UEVLD: variants seen among roughly 807,000 people sequenced by gnomAD.
UEVLD encodes ubiquitin-conjugating enzyme E2 variant 3.
Under a neutral mutation model 58.6 loss-of-function variants are expected in UEVLD, and 47 were observed. The ratio of observed to expected loss-of-function variants is 0.80; its 90% CI spans 0.63 to 1.02. UEVLD has a LOEUF of 1.02. Among genes scored for constraint, UEVLD ranks in the 50% least tolerant of loss-of-function variants. UEVLD has a pLI of 0.00. For synonymous variants in UEVLD, 197 were observed against 195.3 expected, an observed-to-expected ratio of 1.01 and a Z score of -0.07; for missense variants, 510 against 550.6, an observed-to-expected ratio of 0.93 and a Z score of 0.74.
intron 2 of UEVLD, among the ~76,000 whole-genome samples, chr11:18,576,275 G>A (rs748553598): frequency 4.6e-5 from 7 of 152,082 alleles, no homozygotes; most frequent in African/African-American, 7.2e-5. Context: ...GTTTATGGCC[G>A]GGCACGGTGG....
intron 7 of UEVLD, among the ~76,000 whole-genome samples, chr11:18,557,245 G>C (rs188751611): frequency 1.3e-5 from 2 of 151,998 alleles, no homozygotes. Flanking sequence ...TCCGCATCCC[G>C]GGTTCACACC....
chr11:18,554,078 C>T (rs1360863815), intron 7 of UEVLD, among the ~76,000 whole-genome samples: 1 of 152,138 alleles, frequency 6.6e-6, no homozygotes, highest in Non-Finnish European at 1.5e-5. Context: ...ACTCCTAAAG[C>T]AACTACTCTT....
At chr11:18,577,088 CAT>C in intron 2 of UEVLD, among the ~76,000 whole-genome samples, 1 of 152,282 alleles carries the variant, frequency 6.6e-6, no homozygotes, top group Non-Finnish European at 1.5e-5. Flanking sequence ...GAGACTGATG[CAT>C]GAGAATTGCT....
chr11:18,539,594 A>T (rs558888001), intron 9 of UEVLD, among the ~76,000 whole-genome samples: 1 of 152,328 alleles, frequency 6.6e-6, no homozygotes, highest in African/African-American at 2.4e-5. Flanking sequence ...TTTCTTTAAA[A>T]ATTTGTTACA....
intron 1 of UEVLD, chr11:18,579,557 G>A (rs1833038329): frequency 1.1e-6 from 1 of 928,912 alleles, no homozygotes; most frequent in Non-Finnish European, 1.3e-6. Context: ...TCCTGGCACT[G>A]CATCCTGGGT....
At chr11:18,586,486 G>A (rs1264743704) in intron 1 of UEVLD, among the ~76,000 whole-genome samples, 1 of 152,050 alleles carries the variant, frequency 6.6e-6, no homozygotes, top group East Asian at 1.9e-4. Context: ...CAAAGTGCTG[G>A]AATTACAGAC....
intron 7 of UEVLD, among the ~76,000 whole-genome samples, chr11:18,555,994 T>C (rs1851741146): frequency 6.6e-6 from 1 of 152,182 alleles, no homozygotes; most frequent in South Asian, 2.1e-4. Context: ...GGAACATGAA[T>C]GAAAGTTACC....
chr11:18,583,810 C>T (rs1236718871), intron 1 of UEVLD, among the ~76,000 whole-genome samples: 2 of 151,948 alleles, frequency 1.3e-5, no homozygotes, highest in Admixed American at 6.6e-5. Flanking sequence ...TACAGGCATG[C>T]ACCACCACAC....
intron 3 of UEVLD, among the ~76,000 whole-genome samples, chr11:18,574,752 T>G (rs889661015): frequency 6.6e-6 from 1 of 152,226 alleles, no homozygotes; most frequent in Non-Finnish European, 1.5e-5. Flanking sequence ...ATTTTCCTAT[T>G]GGAGTCTGAG....
At chr11:18,540,008 G>A (rs1850987561) in intron 9 of UEVLD, among the ~76,000 whole-genome samples, 1 of 151,968 alleles carries the variant, frequency 6.6e-6, no homozygotes, top group Non-Finnish European at 1.5e-5. Context: ...CATGTTTTTT[G>A]CCAATTTTCT....
In UEVLD at chr11:18,534,388, ATG is replaced by A; in HGVS notation, c.1188_1189del (p.Met397GlyfsTer2). ...CTTATTGTTTACAATACTGTCAACC[ATG>A]TCAGCTACTGATAGTCCAACAGACC... On this transcript the variant is annotated frameshift_variant, in exon 11 of 12. Transcript: ENST00000396197. LOFTEE classifies it high-confidence loss of function. 1 of 1,579,590 alleles carries A rather than the reference ATG, an allele frequency of 6.3e-7. No homozygotes were observed. Among genetic ancestry groups the A allele is most frequent in the South Asian group, 1.2e-5 (1 of 83,022 alleles).
intron 6 of UEVLD, among the ~76,000 whole-genome samples, chr11:18,560,467 T>C (rs759722044): frequency 3.3e-5 from 5 of 152,126 alleles, no homozygotes; most frequent in Non-Finnish European, 5.9e-5. Context: ...AATTTGACAA[T>C]TTTCTATCAA....
intron 8 of UEVLD, among the ~76,000 whole-genome samples, chr11:18,545,060 A>C (rs1306246967): frequency 3.5e-5 from 1 of 28,428 alleles, no homozygotes; most frequent in Non-Finnish European, 7.1e-5. Flanking sequence ...ATCTATATCT[A>C]TATCTATATC....
chr11:18,562,093 A>T (rs78859504), intron 6 of UEVLD, among the ~76,000 whole-genome samples: 1 of 151,672 alleles, frequency 6.6e-6, no homozygotes, highest in South Asian at 2.1e-4. Flanking sequence ...GAAAAACAGA[A>T]TTTTTTTTTG....
At chr11:18,540,446 C>T (rs1390662126) in intron 9 of UEVLD, among the ~76,000 whole-genome samples, 3 of 152,076 alleles carry the variant, frequency 2.0e-5, no homozygotes, top group African/African-American at 7.2e-5. Context: ...TTTCTGATAC[C>T]AGGACCAAGG....
rs1190105807 is a variant in UEVLD, at chr11:18,570,284, C to A, written c.287G>T (p.Gly96Val). ...ATCCACATGTTTTCCGACTAAGATT[C>A]CCATATTTGCAGTTGGCTTCAAGAA... ...ICFLKPTANM[G>V]ILVGKHVDAQ... Residue 96 changes from glycine (G) to valine (V), a missense_variant, in exon 4 of 12, where the codon GGA becomes GTA. Physicochemically the swap from Gly to Val is moderately radical, Grantham distance 109. Coordinates refer to ENST00000396197, the MANE Select transcript of UEVLD (RefSeq NM_001040697.4). 4.4e-6 allele frequency: 7 copies of A among 1,600,438 alleles called. No individual in the cohort carries two copies. The highest frequency in any genetic ancestry group is 1.8e-5 in the Admixed American group (1 of 56,444).
At chr11:18,560,967 C>T (rs565841630) in intron 6 of UEVLD, among the ~76,000 whole-genome samples, 20 of 151,212 alleles carry the variant, frequency 1.3e-4, no homozygotes, top group Non-Finnish European at 2.2e-4. Context: ...GTGGAGATTG[C>T]GCCATTGCAC....
At chr11:18,584,735 C>G (rs1247092472) in intron 1 of UEVLD, among the ~76,000 whole-genome samples, 1 of 152,132 alleles carries the variant, frequency 6.6e-6, no homozygotes, top group African/African-American at 2.4e-5. Flanking sequence ...CGGGTTCAAG[C>G]GATTCTCCTG....
intron 2 of UEVLD, among the ~76,000 whole-genome samples, chr11:18,576,179 C>T (rs1232453765): frequency 6.6e-6 from 1 of 152,158 alleles, no homozygotes; most frequent in African/African-American, 2.4e-5. Flanking sequence ...CAATAACAGC[C>T]CTTTCCCAAA....
Sources: allele counts gnomAD v4.1 joint callset (sites outside exome capture counted in the v4.1 genomes callset), GRCh38; gene constraint gnomAD v4.1.1; transcripts MANE v1.5; gene names NCBI Gene and HGNC (gene_info 2026-07-23, HGNC 2026-07-21).